The following ZNF696 variants were observed in gnomAD, a reference collection of about 807,000 sequenced individuals.
The protein encoded by ZNF696 is zinc finger protein 696.
ZNF696 carries 10 observed loss-of-function variants against 12.3 expected under a neutral mutation model. That is an observed-to-expected ratio of 0.81 (90% CI 0.50 to 1.38). The LOEUF is 1.38. Among genes scored for constraint, ZNF696 ranks in the 40% most tolerant of loss-of-function variants. The probability of loss-of-function intolerance (pLI) is 0.00; values close to 1 mark genes in which losing one functional copy is unlikely to be tolerated. For synonymous variants in ZNF696, 304 were observed against 243.9 expected, an observed-to-expected ratio of 1.25 and a Z score of -2.29; for missense variants, 675 against 554.7, an observed-to-expected ratio of 1.22 and a Z score of -2.18.
Position 143,296,922 on chromosome 8 carries a change from G to A in ZNF696, c.*122G>A. The stretch of plus-strand genomic sequence containing the variant: ...CAGCCGGCTGCGCGCCTGGTTCTCG[G>A]GTTGCGAAAGCCTCGCCAGGCCTGC... On this transcript the variant is annotated 3_prime_UTR_variant, in exon 3 of 3. Transcript: ENST00000330143. 2 of 1,005,246 alleles carry A rather than the reference G, an allele frequency of 2.0e-6. No homozygotes were observed. Among genetic ancestry groups the A allele is most frequent in the Non-Finnish European group, 1.3e-6 (1 of 749,156 alleles). The allele number at this position is 1,005,246 out of a possible 1,614,324, so 62.3% of individuals were successfully genotyped here.
At position 143,296,212 on chromosome 8, in the gene ZNF696, G is replaced by T. The variant is rs1205632659; in HGVS notation, c.537G>T (p.Arg179Ser). ...ACCAGCGGGCGCACAGCGGGGAGAGGCCCTACGCGTGCGCCGAGTGCGGCA... is the reference window on the plus strand; with the variant it reads ...ACCAGCGGGCGCACAGCGGGGAGAGTCCCTACGCGTGCGCCGAGTGCGGCA... ...VRHQRAHSGE[R>S]PYACAECGKA... is the part of the protein sequence containing the mutation. Residue 179 changes from arginine to serine, a missense_variant, in exon 3 of 3, where the codon AGG becomes AGT. Transcript: ENST00000330143. 3 of 1,594,720 alleles carry T rather than the reference G, an allele frequency of 1.9e-6. No homozygotes were observed. The highest frequency in any genetic ancestry group is 2.6e-6 in the Non-Finnish European group (3 of 1,174,630).
rs1448312134 is a variant in ZNF696 at position 143,291,724 on chromosome 8, C to T, written c.-74C>T. ...CCCACCGGCCCAGCTCATCGAGCTT[C>T]TTCCCAGCTGTGAACAGGAGGGCCT... is the stretch of plus-strand genomic sequence containing the variant. On this transcript the variant is annotated 5_prime_UTR_variant, in exon 1 of 3. Coordinates refer to ENST00000330143, the MANE Select transcript of ZNF696 (RefSeq NM_030895.3). The T allele has an allele frequency of 1.0e-6, 1 of 985,392 alleles. No homozygotes were observed. The highest frequency in any genetic ancestry group is 1.7e-5 in the African/African-American group (1 of 57,262). 61.0% of individuals were successfully genotyped at this position (985,392 alleles called of 1,614,324 possible). A position where few individuals can be genotyped will look rare whatever the true frequency, so the allele number is the denominator to read the frequency against.
In ZNF696 at chr8:143,296,395, C is replaced by T. The variant is rs1444221807; in HGVS notation, c.720C>T (p.Gly240=). The T allele has an allele frequency of 8.2e-6, 13 of 1,594,796 alleles. No homozygotes were observed. Among genetic ancestry groups the T allele is most frequent in the Non-Finnish European group, 9.4e-6 (11 of 1,173,114 alleles). The change falls in exon 3 of 3, where the codon GGC becomes GGT. Residue 240 remains glycine, a synonymous_variant. Coordinates refer to ENST00000330143, the MANE Select transcript of ZNF696 (RefSeq NM_030895.3). Reference sequence around the variant, plus strand: ...CCGGGGAGAGGCTGTACGCGTGCGGCGAGTGCGGGAAGCGCTTCCTGCACA... The same window carrying T: ...CCGGGGAGAGGCTGTACGCGTGCGGTGAGTGCGGGAAGCGCTTCCTGCACA... ...THTGERLYAC[G]ECGKRFLHSS... is the part of the protein sequence containing the mutation.
Position 143,295,867 on chromosome 8 carries a change from T to C in ZNF696, c.192T>C (p.Pro64=), listed in dbSNP as rs1466028825. ...AGGGAGAGGGCCACAGAGGGGGGCC[T>C]CCCCGGGCGTTGGGGTCTCTTGGCC... is the stretch of plus-strand genomic sequence containing the variant. ...APEGEGHRGG[P]PRALGSLGLC... Residue 64 remains proline, a synonymous_variant, in exon 3 of 3, where the codon CCT becomes CCC. Transcript: ENST00000330143. 1 of 1,568,430 alleles carries C rather than the reference T, an allele frequency of 6.4e-7. No homozygotes were observed. Among genetic ancestry groups the C allele is most frequent in the East Asian group, 2.3e-5 (1 of 42,980 alleles).
chr8:143,293,125 C>A, intron 2 of ZNF696, 60 bp downstream of exon 2: 1 of 1,393,686 alleles, frequency 7.2e-7, no homozygotes, highest in Non-Finnish European at 1.0e-6. Flanking sequence ...AACAGGAATA[C>A]AGGAAAAACA....
chr8:143,295,135 T>G (rs1815685878), intron 2 of ZNF696, among the ~76,000 whole-genome samples: 1 of 152,076 alleles, frequency 6.6e-6, no homozygotes, highest in Admixed American at 6.5e-5. Context: ...TGGGCTCTGT[T>G]GGGTGCCACT....
rs1563743023 is a variant in ZNF696 at position 143,291,753 on chromosome 8, C to A, written c.-45C>A. On this transcript the variant is annotated 5_prime_UTR_variant, in exon 1 of 3. Coordinates refer to ENST00000330143, the MANE Select transcript of ZNF696 (RefSeq NM_030895.3). ...CCAGCTGTGAACAGGAGGGCCTGTT[C>A]CCTAATTCTTGCCGGTAAGGTACTT... 1 of 985,354 alleles carries A rather than the reference C, an allele frequency of 1.0e-6. No individual in the cohort carries two copies. The highest frequency in any genetic ancestry group is 1.2e-6 in the Non-Finnish European group (1 of 829,942). 61.0% of individuals were successfully genotyped at this position (985,354 alleles called of 1,614,324 possible). A position where few individuals can be genotyped will look rare whatever the true frequency, so the allele number is the denominator to read the frequency against.
chr8:143,292,208 T>G (rs1392285580), intron 1 of ZNF696: 1 of 152,228 alleles, frequency 6.6e-6, no homozygotes, highest in African/African-American at 2.4e-5. Flanking sequence ...TCCTCCATCC[T>G]GAGCCTTTTG....
intron 2 of ZNF696, among the ~76,000 whole-genome samples, chr8:143,294,066 C>T (rs140790804): frequency 1.6e-3 from 242 of 152,366 alleles, no homozygotes; most frequent in African/African-American, 5.3e-3. Flanking sequence ...TCCTCAGTTG[C>T]TGTGCTGGCC....
chr8:143,296,399 T>C lies in ZNF696; in HGVS notation c.724T>C (p.Cys242Arg). The C allele has an allele frequency of 6.3e-7, 1 of 1,595,290 alleles. No individual in the cohort carries two copies. The highest frequency in any genetic ancestry group is 2.2e-5 in the East Asian group (1 of 44,500). Residue 242 changes from cysteine (C) to arginine (R), a missense_variant, in exon 3 of 3, where the codon TGC becomes CGC. Physicochemically the swap from Cys to Arg is radical, Grantham distance 180. Coordinates refer to ENST00000330143, the MANE Select transcript of ZNF696 (RefSeq NM_030895.3). ...TGERLYACGE[C>R]GKRFLHSSNV... The stretch of plus-strand genomic sequence containing the variant: ...GGAGAGGCTGTACGCGTGCGGCGAG[T>C]GCGGGAAGCGCTTCCTGCACAGCTC...
At chr8:143,294,154 C>G (rs936824178) in intron 2 of ZNF696, among the ~76,000 whole-genome samples, 32 of 152,230 alleles carry the variant, frequency 2.1e-4, no homozygotes, top group African/African-American at 7.0e-4. Flanking sequence ...CAGTTGCCAG[C>G]TTTCTCATGT....
At chr8:143,292,401 G>T (rs1038123966) in intron 1 of ZNF696, 1 of 150,358 alleles carries the variant, frequency 6.7e-6, no homozygotes, top group Non-Finnish European at 1.5e-5. Context: ...TTATCAGATA[G>T]GGATGAATCT....
chr8:143,299,163 A>C lies in ZNF696; in HGVS notation c.*2363A>C. ...AAAAAGAGCAAAACTCCATCTTAAA[A>C]AAATAAATAAATAAAGGAAAATGAG... On this transcript the variant is annotated 3_prime_UTR_variant, in exon 3 of 3. Coordinates refer to ENST00000330143, the MANE Select transcript of ZNF696 (RefSeq NM_030895.3). 6.6e-6 allele frequency among the ~76,000 whole-genome samples: 1 copy of C among 152,342 alleles called. No individual in the cohort carries two copies. Among genetic ancestry groups the C allele is most frequent in the Admixed American group, 6.5e-5 (1 of 15,292 alleles).
At position 143,295,810 on chromosome 8, in the gene ZNF696, C is replaced by T; in HGVS notation, c.135C>T (p.Ser45=). 6.2e-7 allele frequency: 1 copy of T among 1,600,822 alleles called. No individual in the cohort carries two copies. Among genetic ancestry groups the T allele is most frequent in the Non-Finnish European group, 8.5e-7 (1 of 1,174,920 alleles). ...SRSAEVQAAQ[S]TEPAAEAGAP... Reference sequence around the variant, plus strand: ...CAGCCGAGGTGCAGGCAGCTCAGAGCACGGAGCCTGCCGCAGAGGCAGGCG... The same window carrying T: ...CAGCCGAGGTGCAGGCAGCTCAGAGTACGGAGCCTGCCGCAGAGGCAGGCG... The change falls in exon 3 of 3, where the codon AGC becomes AGT. Residue 45 remains serine, a synonymous_variant. Coordinates refer to ENST00000330143, the MANE Select transcript of ZNF696 (RefSeq NM_030895.3).
chr8:143,296,564 G>A lies in ZNF696; in HGVS notation c.889G>A (p.Asp297Asn). ...HTGERPFACQ[D>N]CGRAFSRSSF... ...GGGGGAGCGGCCCTTCGCCTGCCAG[G>A]ACTGCGGCCGCGCCTTCAGCCGCAG... Residue 297 changes from aspartate to asparagine, a missense_variant, in exon 3 of 3, where the codon GAC (aspartate) becomes AAC (asparagine). Coordinates refer to ENST00000330143, the MANE Select transcript of ZNF696 (RefSeq NM_030895.3). The A allele has an allele frequency of 1.3e-6, 2 of 1,597,794 alleles. No individual in the cohort carries two copies. Among genetic ancestry groups the A allele is most frequent in the Non-Finnish European group, 1.7e-6 (2 of 1,176,596 alleles).
rs866544178 is a variant in ZNF696, at chr8:143,296,751, G to A, written c.1076G>A (p.Arg359His). Reference protein sequence around the residue: ...FRCTECGRAFRLSFHLIQHRR... With the variant: ...FRCTECGRAFHLSFHLIQHRR... The stretch of plus-strand genomic sequence containing the variant: ...TGCACCGAGTGCGGCCGCGCCTTCC[G>A]CCTGAGCTTCCACCTCATCCAGCAC... Residue 359 changes from arginine (R) to histidine (H), a missense_variant, in exon 3 of 3, where the codon CGC (arginine) becomes CAC (histidine). Physicochemically the swap from Arg to His is conservative, Grantham distance 29 (BLOSUM62 0). Transcript: ENST00000330143. The A allele has an allele frequency of 1.4e-6, 2 of 1,480,308 alleles. No individual in the cohort carries two copies. The highest frequency in any genetic ancestry group is 1.5e-5 in the African/African-American group (1 of 68,818). 91.7% of individuals were successfully genotyped at this position (1,480,308 alleles called of 1,614,324 possible).
rs1357577657 is a variant in ZNF696, at chr8:143,296,509, C to T, written c.834C>T (p.Ser278=). ...RECGQAFSQS[S]NLLQHQRVHT... ...GCGGCCAGGCCTTCAGCCAGAGCTCCAACCTCCTCCAGCACCAGCGCGTGC... is the reference window on the plus strand; with the variant it reads ...GCGGCCAGGCCTTCAGCCAGAGCTCTAACCTCCTCCAGCACCAGCGCGTGC... The change falls in exon 3 of 3, where the codon TCC becomes TCT. Residue 278 remains serine, a synonymous_variant. Coordinates refer to ENST00000330143, the MANE Select transcript of ZNF696 (RefSeq NM_030895.3). 1 of 1,608,074 alleles carries T rather than the reference C, an allele frequency of 6.2e-7. No homozygotes were observed. The highest frequency in any genetic ancestry group is 8.5e-7 in the Non-Finnish European group (1 of 1,179,216).
rs1246047769 is a variant in ZNF696, at chr8:143,297,052, C to T, written c.*252C>T. 5 of 388,758 alleles carry T rather than the reference C, an allele frequency of 1.3e-5. No individual in the cohort carries two copies. The highest frequency in any genetic ancestry group is 2.3e-5 in the Non-Finnish European group (5 of 221,992). 24.1% of individuals were successfully genotyped at this position (388,758 alleles called of 1,614,324 possible). A position where few individuals can be genotyped will look rare whatever the true frequency, so the allele number is the denominator to read the frequency against. ...GGCGGGGAGGTCTCAGGGGTCTGTCCCGGGCCGGCCGCCCGCCTCTGAGAC... is the reference window on the plus strand; with the variant it reads ...GGCGGGGAGGTCTCAGGGGTCTGTCTCGGGCCGGCCGCCCGCCTCTGAGAC... On this transcript the variant is annotated 3_prime_UTR_variant, in exon 3 of 3. Transcript: ENST00000330143.
In ZNF696 at chr8:143,296,402, G is replaced by A. The variant is rs1344291851; in HGVS notation, c.727G>A (p.Gly243Arg). 4 of 1,596,858 alleles carry A rather than the reference G, an allele frequency of 2.5e-6. No homozygotes were observed. The highest frequency in any genetic ancestry group is 1.1e-5 in the South Asian group (1 of 90,302). The change falls in exon 3 of 3, where the codon GGG becomes AGG. Residue 243 changes from glycine to arginine, a missense_variant. By Grantham distance (125) the Gly-to-Arg change is moderately radical (BLOSUM62 -2). Transcript: ENST00000330143. ...GAGGCTGTACGCGTGCGGCGAGTGCGGGAAGCGCTTCCTGCACAGCTCGAA... is the reference window on the plus strand; with the variant it reads ...GAGGCTGTACGCGTGCGGCGAGTGCAGGAAGCGCTTCCTGCACAGCTCGAA... Reference protein sequence around the residue: ...GERLYACGECGKRFLHSSNVV... With the variant: ...GERLYACGECRKRFLHSSNVV...
Sources: allele counts gnomAD v4.1 joint callset (sites outside exome capture counted in the v4.1 genomes callset), GRCh38; gene constraint gnomAD v4.1.1; transcripts MANE v1.5; gene names NCBI Gene and HGNC (gene_info 2026-07-23, HGNC 2026-07-21).